The following GALNT16 variants were observed in gnomAD, a reference collection of about 807,000 sequenced individuals.
GALNT16 encodes UDP-GalNAc:polypeptide N-acetylgalactosaminyltransferase-like protein 1.
In GALNT16, 40 loss-of-function variants were observed where a neutral mutation model predicts 76.1. The ratio of observed to expected loss-of-function variants is 0.53; its 90% CI spans 0.41 to 0.68. The LOEUF is 0.68. Ranked by LOEUF, GALNT16 falls within the 30% of genes least tolerant of loss-of-function variation. The pLI is 0.00. For synonymous variants in GALNT16, 276 were observed against 285.2 expected, an observed-to-expected ratio of 0.97 and a Z score of 0.32; for missense variants, 621 against 731.9, an observed-to-expected ratio of 0.85 and a Z score of 1.75.
intron 1 of GALNT16, among the ~76,000 whole-genome samples, chr14:69,281,289 C>T (rs1488108080): frequency 6.6e-6 from 1 of 152,146 alleles, no homozygotes; most frequent in African/African-American, 2.4e-5. Flanking sequence ...CTCCATTTTG[C>T]AGATGAAAAA....
chr14:69,268,666 T>G (rs1422849208), intron 1 of GALNT16, among the ~76,000 whole-genome samples: 1 of 147,000 alleles, frequency 6.8e-6, no homozygotes, highest in Non-Finnish European at 1.5e-5. Flanking sequence ...GGGGCTCATA[T>G]TCTAGTGGGG....
At chr14:69,264,950 A>G (rs566672082) in intron 1 of GALNT16, among the ~76,000 whole-genome samples, 1 of 151,398 alleles carries the variant, frequency 6.6e-6, no homozygotes, top group East Asian at 1.9e-4. Flanking sequence ...AATAGCTAGG[A>G]CTACAAGTGT....
At chr14:69,336,444 G>T (rs1235363025) in intron 9 of GALNT16, among the ~76,000 whole-genome samples, 1 of 152,150 alleles carries the variant, frequency 6.6e-6, no homozygotes, top group Non-Finnish European at 1.5e-5. Flanking sequence ...CAGCTGTGCT[G>T]TTGCCTCTAG....
At chr14:69,283,932 C>T (rs931496087) in intron 1 of GALNT16, among the ~76,000 whole-genome samples, 6 of 152,210 alleles carry the variant, frequency 3.9e-5, no homozygotes, top group Non-Finnish European at 5.9e-5. Context: ...ATTCTAGCTC[C>T]TGTCTTCAAG....
the GALNT16 span, among the ~76,000 whole-genome samples, chr14:69,373,780 C>A: frequency 6.6e-6 from 1 of 150,970 alleles, no homozygotes; most frequent in Non-Finnish European, 1.5e-5. Context: ...TTCTCTCTTT[C>A]CTTTTTCTTT....
intron 9 of GALNT16, among the ~76,000 whole-genome samples, chr14:69,335,162 G>A (rs1027964832): frequency 6.6e-6 from 1 of 152,200 alleles, no homozygotes; most frequent in African/African-American, 2.4e-5. Context: ...TCTCTGAGAC[G>A]TTAGGAGCAG....
At chr14:69,384,156 CT>C in the GALNT16 span, among the ~76,000 whole-genome samples, 1 of 152,174 alleles carries the variant, frequency 6.6e-6, no homozygotes, top group Non-Finnish European at 1.5e-5. Flanking sequence ...TATAATTTAT[CT>C]CACACGTAGA....
intron 1 of GALNT16, among the ~76,000 whole-genome samples, chr14:69,315,826 A>G (rs1047578522): frequency 2.6e-5 from 4 of 152,130 alleles, no homozygotes; most frequent in Non-Finnish European, 5.9e-5. Flanking sequence ...AAAAATATGT[A>G]GGTAGGTAGG....
At chr14:69,365,599 A>T in the GALNT16 span, among the ~76,000 whole-genome samples, 1 of 152,182 alleles carries the variant, frequency 6.6e-6, no homozygotes, top group Non-Finnish European at 1.5e-5. Flanking sequence ...ATTGGTGGGG[A>T]ACAACACACT....
At chr14:69,297,363 TTTTC>T (rs2044782911) in intron 1 of GALNT16, among the ~76,000 whole-genome samples, 1 of 152,214 alleles carries the variant, frequency 6.6e-6, no homozygotes, top group Non-Finnish European at 1.5e-5. Context: ...TCTCGCCTCA[TTTTC>T]TTTCTTTCTT....
intron 1 of GALNT16, among the ~76,000 whole-genome samples, chr14:69,293,407 A>C (rs1215581911): frequency 1.3e-5 from 2 of 152,222 alleles, no homozygotes; most frequent in African/African-American, 4.8e-5. Context: ...TTTCTCCCCA[A>C]ACACTTCAAA....
chr14:69,333,434 C>T lies in GALNT16; in HGVS notation c.864-63C>T. The T allele has an allele frequency of 1.0e-6, 1 of 986,080 alleles. No individual in the cohort carries two copies. The highest frequency in any genetic ancestry group is 1.7e-5 in the Admixed American group (1 of 57,448). The allele number at this position is 986,080 out of a possible 1,614,324, so 61.1% of individuals were successfully genotyped here. A position where few individuals can be genotyped will look rare whatever the true frequency, so the allele number is the denominator to read the frequency against. ...GGCAGACGGTCTTGGGTCCTGGGGC[C>T]ATCTAAAGGGCCTCCTTGCTTCTCC... On this transcript the variant is annotated intron_variant, in intron 8 of 14. Coordinates refer to ENST00000448469, the MANE Select transcript of GALNT16 (RefSeq NM_001168368.2). The surrounding 1 kb of genome is among the most constrained non-coding windows in gnomAD (Gnocchi z 4.2).
intron 1 of GALNT16, among the ~76,000 whole-genome samples, chr14:69,310,906 C>A (rs1378263202): frequency 2.0e-5 from 3 of 152,042 alleles, no homozygotes; most frequent in Non-Finnish European, 4.4e-5. Flanking sequence ...CAGAATGAGA[C>A]CCCAGCTCAA....
intron 1 of GALNT16, among the ~76,000 whole-genome samples, chr14:69,267,199 C>T (rs759966330): frequency 2.6e-5 from 4 of 152,334 alleles, no homozygotes; most frequent in Middle Eastern, 3.4e-3. Context: ...TGTCTCCCCA[C>T]ACCCCTAAAC....
chr14:69,333,269 G>T lies in GALNT16; in HGVS notation c.863+100G>T, dbSNP rs773897716. 1.0e-5 allele frequency: 8 copies of T among 798,980 alleles called. No homozygotes were observed. In the East Asian group the frequency reaches 2.1e-4, roughly 21 times the overall value. The allele number at this position is 798,980 out of a possible 1,614,324, so 49.5% of individuals were successfully genotyped here. A position where few individuals can be genotyped will look rare whatever the true frequency, so the allele number is the denominator to read the frequency against. ...TATCGGTCGCTTGGGCTCCTGAGGC[G>T]CACTAAGTGCTGACTCTGTTCTGGG... On this transcript the variant is annotated intron_variant, in intron 8 of 14. Coordinates refer to ENST00000448469, the MANE Select transcript of GALNT16 (RefSeq NM_001168368.2). The surrounding 1 kb of genome is among the most constrained non-coding windows in gnomAD (Gnocchi z 4.2).
intron 6 of GALNT16, among the ~76,000 whole-genome samples, chr14:69,331,052 A>G (rs988748762): frequency 2.0e-5 from 3 of 152,214 alleles, no homozygotes; most frequent in Non-Finnish European, 2.9e-5. Flanking sequence ...ATAAAGCAAC[A>G]GTTCAGACCA....
At chr14:69,322,926 GTGTGTGTGTGTGTGTGTGT>G (rs1272933171) in intron 2 of GALNT16, among the ~76,000 whole-genome samples, 4 of 27,726 alleles carry the variant, frequency 1.4e-4, no homozygotes, top group East Asian at 6.2e-4. Context: ...GGCTCACGGG[GTGTGTGTGTGTGTGTGTGT>G]GTGTGTGTGT....
intron 1 of GALNT16, among the ~76,000 whole-genome samples, chr14:69,280,517 A>G (rs2105269): frequency 0.36 from 54,381 of 152,148 alleles, 10,347 homozygotes; most frequent in East Asian, 0.58. Flanking sequence ...GTGTACAAGT[A>G]TCTGTGCAAG....
At chr14:69,331,297 G>A (rs2045348513) in intron 6 of GALNT16, among the ~76,000 whole-genome samples, 167 bp from the exon 7 acceptor site, 1 of 152,184 alleles carries the variant, frequency 6.6e-6, no homozygotes, top group Admixed American at 6.5e-5. Flanking sequence ...TGGTGATGCA[G>A]GACAGCTGCC....
Sources: gnomAD v4.1 joint callset for allele counts (sites outside exome capture counted in the v4.1 genomes callset) on GRCh38, gnomAD v4.1.1 for gene constraint, Gnocchi (gnomAD v3.1) non-coding constraint, MANE v1.5 for transcripts, NCBI Gene and HGNC (gene_info 2026-07-23, HGNC 2026-07-21) for gene names.